FBXL17: variants seen among roughly 807,000 people sequenced by gnomAD.
FBXL17 encodes F-box and leucine rich repeat protein 17.
FBXL17 carries 22 observed loss-of-function variants against 66.2 expected under a neutral mutation model. The ratio of observed to expected loss-of-function variants is 0.33; its 90% CI spans 0.24 to 0.47. The LOEUF is 0.47. Ranked by LOEUF, FBXL17 falls within the 20% of genes least tolerant of loss-of-function variation. FBXL17 has a pLI of 1.00. For synonymous variants in FBXL17, 474 were observed against 400.5 expected, an observed-to-expected ratio of 1.18 and a Z score of -2.19; for missense variants, 878 against 948.2, an observed-to-expected ratio of 0.93 and a Z score of 0.97.
chr5:108,151,088 C>T (rs1425099369), intron 6 of FBXL17, among the ~76,000 whole-genome samples: 3 of 152,110 alleles, frequency 2.0e-5, no homozygotes, highest in Non-Finnish European at 4.4e-5. Flanking sequence ...ATAGTTTTAG[C>T]ATAACAGTCT....
chr5:107,997,751 G>A (rs1052282276), intron 7 of FBXL17, among the ~76,000 whole-genome samples: 1 of 152,154 alleles, frequency 6.6e-6, no homozygotes, highest in Non-Finnish European at 1.5e-5. Flanking sequence ...GAAAGGAAAA[G>A]CCTCAGAAGG....
intron 1 of FBXL17, among the ~76,000 whole-genome samples, chr5:108,372,242 A>T (rs965514548): frequency 5.3e-5 from 8 of 152,208 alleles, no homozygotes; most frequent in African/African-American, 1.9e-4. Flanking sequence ...AGATAGGTAA[A>T]TTAAAATTAC....
At chr5:108,139,274 T>A (rs1462527113) in intron 6 of FBXL17, among the ~76,000 whole-genome samples, 1 of 152,196 alleles carries the variant, frequency 6.6e-6, no homozygotes, top group Non-Finnish European at 1.5e-5. Flanking sequence ...ACAAGTTGTG[T>A]CCATTTAGCA....
intron 6 of FBXL17, among the ~76,000 whole-genome samples, chr5:108,063,864 T>C (rs940055569): frequency 6.6e-6 from 1 of 152,134 alleles, no homozygotes; most frequent in Non-Finnish European, 1.5e-5. Context: ...TTAAAAAAAA[T>C]TTGCTTTGAA....
Position 108,224,062 on chromosome 5 carries a change from AG to A in FBXL17, c.1614+58del, listed in dbSNP as rs1754987134. 10 of 786,164 alleles carry A rather than the reference AG, an allele frequency of 1.3e-5. No individual in the cohort carries two copies. In the South Asian group the frequency reaches 1.6e-4, roughly 13 times the overall value. 48.7% of individuals were successfully genotyped at this position (786,164 alleles called of 1,614,324 possible). ...CTTATTCAAGTAAATTAAACAATTT[AG>A]GGCTCATCACCTGTATGATACTCAA... On this transcript the variant is annotated intron_variant, in intron 5 of 8. Coordinates refer to ENST00000542267, the MANE Select transcript of FBXL17 (RefSeq NM_001163315.3).
At position 107,970,639 on chromosome 5, in the gene FBXL17, T is replaced by C. The variant is rs577682516; in HGVS notation, c.1822+50286A>G. Among the ~76,000 whole-genome samples, 22 of 152,306 alleles carry C rather than the reference T, an allele frequency of 1.4e-4. No homozygotes were observed. In the East Asian group the frequency reaches 4.2e-3, roughly 29 times the overall value. ...ATGGCTCTCTCTGCGTGCCTGGTAGTAGAGGCTGATCATGGCCAAAGTCCC... is the reference window on the plus strand; with the variant it reads ...ATGGCTCTCTCTGCGTGCCTGGTAGCAGAGGCTGATCATGGCCAAAGTCCC... On this transcript the variant is annotated intron_variant, in intron 7 of 8. Coordinates refer to ENST00000542267, the MANE Select transcript of FBXL17 (RefSeq NM_001163315.3).
chr5:108,050,929 C>T (rs1747447075), intron 6 of FBXL17, among the ~76,000 whole-genome samples: 2 of 151,974 alleles, frequency 1.3e-5, no homozygotes, highest in South Asian at 2.1e-4. Flanking sequence ...CACAGAAATA[C>T]AAAATACTAT....
intron 7 of FBXL17, among the ~76,000 whole-genome samples, chr5:107,961,113 A>G (rs550700134): frequency 7.2e-4 from 110 of 152,204 alleles, no homozygotes; most frequent in Non-Finnish European, 1.4e-3. Context: ...CACGTCAGGT[A>G]GAATAAGCAA....
intron 6 of FBXL17, among the ~76,000 whole-genome samples, 182 bp from the exon 7 acceptor site, chr5:108,021,183 AT>A (rs1405142506): frequency 1.3e-5 from 2 of 151,746 alleles, no homozygotes; most frequent in African/African-American, 4.8e-5. Context: ...CTTTATTTAA[AT>A]ACATTTATGA....
chr5:108,002,361 T>C (rs6868458), intron 7 of FBXL17, among the ~76,000 whole-genome samples: 24,390 of 151,714 alleles, frequency 0.16, 5,388 homozygotes, highest in African/African-American at 0.5. Flanking sequence ...AAAAACTCCT[T>C]CTCTTTCAAA....
intron 5 of FBXL17, among the ~76,000 whole-genome samples, chr5:108,193,634 T>C (rs1295632433): frequency 6.6e-6 from 1 of 152,116 alleles, no homozygotes; most frequent in Non-Finnish European, 1.5e-5. Context: ...TAAGCCACAT[T>C]CATTTTGGAC....
chr5:107,991,661 A>G (rs1157067254), intron 7 of FBXL17, among the ~76,000 whole-genome samples: 1 of 152,210 alleles, frequency 6.6e-6, no homozygotes, highest in East Asian at 1.9e-4. Context: ...CAGTTTGCAG[A>G]TTAGCTATAT....
intron 6 of FBXL17, among the ~76,000 whole-genome samples, chr5:108,143,068 C>T (rs1241905657): frequency 6.6e-6 from 1 of 151,364 alleles, no homozygotes; most frequent in African/African-American, 2.4e-5. Context: ...GGTTGCATGC[C>T]CCTTATAAGA....
At chr5:108,294,677 A>G (rs1178025150) in intron 4 of FBXL17, among the ~76,000 whole-genome samples, 2 of 152,118 alleles carry the variant, frequency 1.3e-5, no homozygotes, top group Non-Finnish European at 2.9e-5. Context: ...AAACCACTGA[A>G]AGCAAACTGC....
intron 5 of FBXL17, among the ~76,000 whole-genome samples, chr5:108,203,704 A>G (rs1753992959): frequency 6.6e-6 from 1 of 152,194 alleles, no homozygotes; most frequent in African/African-American, 2.4e-5. Context: ...TTACCATTTA[A>G]GTAGTAAAAC....
At chr5:108,018,078 C>A (rs1580334652) in intron 7 of FBXL17, among the ~76,000 whole-genome samples, 1 of 152,046 alleles carries the variant, frequency 6.6e-6, no homozygotes, top group East Asian at 1.9e-4. Context: ...GTATACTGTA[C>A]TAAAAGAATG....
At chr5:108,211,958 G>A (rs1169137131) in intron 5 of FBXL17, among the ~76,000 whole-genome samples, 3 of 152,102 alleles carry the variant, frequency 2.0e-5, no homozygotes, top group African/African-American at 7.2e-5. Flanking sequence ...TCACCTTCAG[G>A]TACATCAATC....
At chr5:108,007,970 T>C (rs761779226) in intron 7 of FBXL17, among the ~76,000 whole-genome samples, 1 of 152,194 alleles carries the variant, frequency 6.6e-6, no homozygotes, top group African/African-American at 2.4e-5. Flanking sequence ...CACATATTCA[T>C]GCGCATTCCC....
chr5:107,963,917 GATAATTCAGAAC>G (rs1388335359), intron 7 of FBXL17, among the ~76,000 whole-genome samples: 1 of 152,108 alleles, frequency 6.6e-6, no homozygotes, highest in Admixed American at 6.6e-5. Flanking sequence ...TTAATCATCA[GATAATTCAGAAC>G]ATCTAAAAAT....
Sources: gnomAD v4.1 joint callset for allele counts (sites outside exome capture counted in the v4.1 genomes callset) on GRCh38, gnomAD v4.1.1 for gene constraint, MANE v1.5 for transcripts, NCBI Gene and HGNC (gene_info 2026-07-23, HGNC 2026-07-21) for gene names.